The following ZDHHC11B variants were observed in gnomAD, a reference collection of about 807,000 sequenced individuals.
ZDHHC11B encodes the protein probable palmitoyltransferase ZDHHC11B.
In ZDHHC11B, 17 loss-of-function variants were observed where a neutral mutation model predicts 42.3. That is an observed-to-expected ratio of 0.40 (90% CI 0.27 to 0.60). The LOEUF is 0.60. Ranked by LOEUF, ZDHHC11B falls within the 20% of genes least tolerant of loss-of-function variation. ZDHHC11B has a pLI of 0.41. For synonymous variants in ZDHHC11B, 123 were observed against 193.5 expected, an observed-to-expected ratio of 0.64 and a Z score of 3.02; for missense variants, 262 against 463.2, an observed-to-expected ratio of 0.57 and a Z score of 3.99.
chr5:751,980 G>A lies in ZDHHC11B; in HGVS notation c.504-723C>T, dbSNP rs1477239741. ...TACCAGCGGAGCATGAGGGTCACAC[G>A]GCGTCTCCAGTGTCACAGCTCTGGG... On this transcript the variant is annotated intron_variant, in intron 6 of 13. Transcript: ENST00000508859. Among the ~76,000 whole-genome samples the A allele has an allele frequency of 1.4e-4, 17 of 121,410 alleles. 3 individuals carry two copies. Among genetic ancestry groups the A allele is most frequent in the African/African-American group, 3.4e-4 (13 of 38,042 alleles). 79.6% of individuals were successfully genotyped at this position (121,410 alleles called of 152,430 possible).
chr5:733,901 A>G, intron 10 of ZDHHC11B, 62 bp from the exon 11 acceptor site: 1 of 1,441,114 alleles, frequency 6.9e-7, no homozygotes, highest in Non-Finnish European at 9.6e-7. Context: ...TCAGGGTGGC[A>G]CTGGAGGCTG....
intron 13 of ZDHHC11B, 138 bp downstream of exon 13, chr5:716,663 C>T (rs1207995265): frequency 1.9e-6 from 2 of 1,059,050 alleles, no homozygotes; most frequent in South Asian, 1.5e-5. Flanking sequence ...TCTGGGGTTA[C>T]TGTTGACATC....
chr5:774,865 G>C (rs1266039044), intron 1 of ZDHHC11B, among the ~76,000 whole-genome samples: 2 of 151,998 alleles, frequency 1.3e-5, no homozygotes, highest in Non-Finnish European at 2.9e-5. Context: ...AGCAGCCTCG[G>C]TGCTCCCTTG....
intron 13 of ZDHHC11B, among the ~76,000 whole-genome samples, chr5:714,499 T>C (rs1370574511): frequency 3.7e-5 from 5 of 136,134 alleles, no homozygotes; most frequent in African/African-American, 1.5e-4. Context: ...GAATATTTTT[T>C]TTTTTGAATG....
intron 1 of ZDHHC11B, among the ~76,000 whole-genome samples, chr5:771,288 C>CA (rs1290168120): frequency 6.6e-6 from 1 of 151,698 alleles, no homozygotes; most frequent in Non-Finnish European, 1.5e-5. Context: ...CAAATTCCCC[C>CA]AAAACAGCCG....
intron 4 of ZDHHC11B, among the ~76,000 whole-genome samples, chr5:762,833 A>T (rs1332687336): frequency 6.6e-6 from 1 of 151,784 alleles, no homozygotes; most frequent in Non-Finnish European, 1.5e-5. Context: ...ATAGAATAAA[A>T]ACAGGCAAAC....
intron 1 of ZDHHC11B, among the ~76,000 whole-genome samples, chr5:774,354 G>A (rs1322310397): frequency 6.6e-6 from 1 of 152,190 alleles, no homozygotes; most frequent in African/African-American, 2.4e-5. Context: ...GTGTCCATGT[G>A]GCATCAGTAA....
chr5:718,556 T>A (rs1454055658), intron 12 of ZDHHC11B, among the ~76,000 whole-genome samples: 2 of 151,214 alleles, frequency 1.3e-5, no homozygotes, highest in African/African-American at 4.9e-5. Flanking sequence ...AAAAGCTGAA[T>A]GTGGTGGTGA....
Position 743,687 on chromosome 5 carries a change from G to A in ZDHHC11B, c.900+1496C>T, listed in dbSNP as rs186023687. Among the ~76,000 whole-genome samples the A allele has an allele frequency of 3.3e-5, 5 of 149,844 alleles. No homozygotes were observed. The East Asian group carries it at 8.2e-4, about 25-fold the overall frequency. ...AAAGGAAGTTTTAAAAATATAACCC[G>A]GAGTTTTCATTGCTGGTGGATCGAG... On this transcript the variant is annotated intron_variant, in intron 9 of 13. Transcript: ENST00000508859.
At chr5:776,721 G>A (rs1434309285) in intron 1 of ZDHHC11B, among the ~76,000 whole-genome samples, 2 of 151,952 alleles carry the variant, frequency 1.3e-5, no homozygotes, top group Admixed American at 6.6e-5. Flanking sequence ...TCCCACCAAG[G>A]GGCCTTCTAG....
chr5:732,293 A>G (rs1263391347), intron 11 of ZDHHC11B: 2 of 174,178 alleles, frequency 1.1e-5, no homozygotes, highest in African/African-American at 4.7e-5. Flanking sequence ...TGCTGAGCGG[A>G]TCTTCTCTGC....
rs562085328 is a variant in ZDHHC11B at position 744,278 on chromosome 5, G to A, written c.900+905C>T. Among the ~76,000 whole-genome samples, 45 of 149,934 alleles carry A rather than the reference G, an allele frequency of 3.0e-4. 5 individuals are homozygous for A. The highest frequency in any genetic ancestry group is 9.5e-4 in the Admixed American group (14 of 14,812). On this transcript the variant is annotated intron_variant, in intron 9 of 13. Transcript: ENST00000508859. ...GTGTTTCCTGAATGTATTGGCTTAC[G>A]AATATCTGGCTTTGGTGTCAGGTTG...
intron 6 of ZDHHC11B, among the ~76,000 whole-genome samples, chr5:754,485 G>GA (rs1746308733): frequency 1.5e-5 from 1 of 65,094 alleles, no homozygotes; most frequent in African/African-American, 7.6e-5. Context: ...CCGTGCTCAG[G>GA]GAAACATCTC....
At chr5:777,740 C>G (rs1262608687) in intron 1 of ZDHHC11B, among the ~76,000 whole-genome samples, 1 of 151,962 alleles carries the variant, frequency 6.6e-6, no homozygotes, top group Admixed American at 6.6e-5. Context: ...AGCCCCCACT[C>G]CACTCAGGAG....
rs545799934 is a variant in ZDHHC11B at position 759,373 on chromosome 5, G to A, written c.223-3229C>T. On this transcript the variant is annotated intron_variant, in intron 4 of 13. Coordinates refer to ENST00000508859, the MANE Select transcript of ZDHHC11B (RefSeq NM_001351303.2). ...TACTCCTGGGGCCCGGTGCGGTCACGTCTTGTCGTCTTATCAATCCCTGCG... is the reference window on the plus strand; with the variant it reads ...TACTCCTGGGGCCCGGTGCGGTCACATCTTGTCGTCTTATCAATCCCTGCG... Among the ~76,000 whole-genome samples the A allele has an allele frequency of 3.3e-5, 5 of 152,034 alleles. No homozygotes were observed. In the South Asian group the frequency reaches 6.2e-4, roughly 19 times the overall value.
chr5:749,121 G>A (rs28406978), intron 7 of ZDHHC11B, among the ~76,000 whole-genome samples: 95,110 of 125,798 alleles, frequency 0.76, 41,695 homozygotes, highest in African/African-American at 0.95. Context: ...CTAAGTACCA[G>A]GGTCACAGCG....
Position 743,912 on chromosome 5 carries a change from T to G in ZDHHC11B, c.900+1271A>C, listed in dbSNP as rs889229567. ...CTGCAATGTCAGAAGTAGGAGGAAGTGGTGTCATCACCTGTGCCGAACCTC... is the reference window on the plus strand; with the variant it reads ...CTGCAATGTCAGAAGTAGGAGGAAGGGGTGTCATCACCTGTGCCGAACCTC... On this transcript the variant is annotated intron_variant, in intron 9 of 13. Transcript: ENST00000508859. Among the ~76,000 whole-genome samples the G allele has an allele frequency of 2.7e-5, 4 of 149,872 alleles. 1 individual carries two copies. Among genetic ancestry groups the G allele is most frequent in the East Asian group, 4.1e-4 (2 of 4,906 alleles).
intron 1 of ZDHHC11B, among the ~76,000 whole-genome samples, chr5:777,936 A>T (rs1390879473): frequency 1.4e-4 from 22 of 151,878 alleles, no homozygotes; most frequent in Admixed American, 1.2e-3. Flanking sequence ...TGGCCTCGGC[A>T]TGGCGGTCGG....
chr5:774,358 T>A (rs1196012216), intron 1 of ZDHHC11B, among the ~76,000 whole-genome samples: 382 of 151,954 alleles, frequency 2.5e-3, no homozygotes, highest in African/African-American at 5.9e-3. Context: ...CCATGTGGCA[T>A]CAGTAAGCGG....
Sources: allele counts gnomAD v4.1 joint callset (sites outside exome capture counted in the v4.1 genomes callset), GRCh38; gene constraint gnomAD v4.1.1; transcripts MANE v1.5; gene names NCBI Gene and HGNC (gene_info 2026-07-23, HGNC 2026-07-21).